The following MRPS6 variants were observed in gnomAD, a reference collection of about 807,000 sequenced individuals.
The protein encoded by MRPS6 is small ribosomal subunit protein bS6m.
Under a neutral mutation model 13.1 loss-of-function variants are expected in MRPS6, and 6 were observed. The ratio of observed to expected loss-of-function variants is 0.46; its 90% CI spans 0.25 to 0.91. MRPS6 has a LOEUF of 0.91. MRPS6 is among the 40% of genes least tolerant of loss of function. MRPS6 has a pLI of 0.18. For synonymous variants in MRPS6, 61 were observed against 56.5 expected, an observed-to-expected ratio of 1.08 and a Z score of -0.36; for missense variants, 164 against 155.6, an observed-to-expected ratio of 1.05 and a Z score of -0.29.
intron 1 of MRPS6, among the ~76,000 whole-genome samples, chr21:34,106,566 CT>C (rs1979485309): frequency 6.6e-6 from 1 of 152,230 alleles, no homozygotes; most frequent in Non-Finnish European, 1.5e-5. Flanking sequence ...GAATTTAGGA[CT>C]TGACTTCATC....
intron 1 of MRPS6, 113 bp from the exon 2 acceptor site, chr21:34,125,228 G>A (rs1201689721): frequency 2.0e-5 from 29 of 1,443,052 alleles, no homozygotes; most frequent in African/African-American, 5.7e-5. Flanking sequence ...TTTACCCAGC[G>A]ATTCCTACCA....
chr21:34,098,004 C>A, intron 1 of MRPS6: 10 of 981,238 alleles, frequency 1.0e-5, no homozygotes, highest in Non-Finnish European at 1.2e-5. Flanking sequence ...TTTTTTTTTT[C>A]TTTCTACTTT....
chr21:34,076,787 A>G (rs1208136367), intron 1 of MRPS6, among the ~76,000 whole-genome samples: 1 of 152,206 alleles, frequency 6.6e-6, no homozygotes, highest in African/African-American at 2.4e-5. Context: ...AGTTGTTTAG[A>G]CCAGTCTTAG....
At chr21:34,077,392 G>A (rs760608701) in intron 1 of MRPS6, among the ~76,000 whole-genome samples, 13 of 152,140 alleles carry the variant, frequency 8.5e-5, no homozygotes, top group Non-Finnish European at 1.6e-4. Context: ...ATTACGTCTC[G>A]TGCCCTTTTC....
chr21:34,134,853 T>C (rs1243227491), intron 2 of MRPS6, among the ~76,000 whole-genome samples: 1 of 152,210 alleles, frequency 6.6e-6, no homozygotes, highest in African/African-American at 2.4e-5. Context: ...TAAAATAGGG[T>C]TTGTGTTAGA....
chr21:34,100,201 C>T, intron 1 of MRPS6: 2 of 1,000,098 alleles, frequency 2.0e-6, no homozygotes, highest in Non-Finnish European at 2.4e-6. Flanking sequence ...AATGTCTTAC[C>T]AGGTGTTAAT....
At chr21:34,115,925 T>C (rs1979881648) in intron 1 of MRPS6, among the ~76,000 whole-genome samples, 1 of 152,098 alleles carries the variant, frequency 6.6e-6, no homozygotes, top group Admixed American at 6.5e-5. Flanking sequence ...TAGTCCTTTT[T>C]TTTTTTTTGG....
intron 1 of MRPS6, chr21:34,095,850 A>G (rs766210897): frequency 1.2e-6 from 2 of 1,614,088 alleles, no homozygotes; most frequent in South Asian, 1.1e-5. Flanking sequence ...GAGAAGGTAC[A>G]TGTTGGCCTC....
At chr21:34,092,317 T>G (rs143014532) in intron 1 of MRPS6, among the ~76,000 whole-genome samples, 1 of 152,176 alleles carries the variant, frequency 6.6e-6, no homozygotes, top group African/African-American at 2.4e-5. Context: ...TTTTCCAGTC[T>G]TTACCAGGTG....
At chr21:34,102,422 T>C (rs1268585740) in intron 1 of MRPS6, 4 of 999,954 alleles carry the variant, frequency 4.0e-6, no homozygotes, top group Admixed American at 6.2e-5. Context: ...AGGGATTAGT[T>C]TTTTTGTTTT....
intron 1 of MRPS6, among the ~76,000 whole-genome samples, chr21:34,088,599 TC>T (rs1424027825): frequency 6.6e-6 from 1 of 152,248 alleles, no homozygotes. Flanking sequence ...TAATGTTTCT[TC>T]CTGTCAGTAA....
intron 1 of MRPS6, among the ~76,000 whole-genome samples, chr21:34,075,603 A>G (rs1237683478): frequency 6.6e-6 from 1 of 152,240 alleles, no homozygotes; most frequent in African/African-American, 2.4e-5. Context: ...CTCTTGGAGA[A>G]AGAGGCCCCA....
intron 1 of MRPS6, chr21:34,103,555 C>G: frequency 5.0e-6 from 5 of 1,000,042 alleles, no homozygotes; most frequent in Non-Finnish European, 6.0e-6. Flanking sequence ...TGATAGAAAG[C>G]TAAAGTCCAT....
intron 2 of MRPS6, among the ~76,000 whole-genome samples, chr21:34,127,517 A>G (rs1980350269): frequency 6.6e-6 from 1 of 152,194 alleles, no homozygotes; most frequent in Non-Finnish European, 1.5e-5. Flanking sequence ...ACTGTATTTG[A>G]TTATGCTACA....
At chr21:34,098,426 C>T (rs576403319) in intron 1 of MRPS6, 1 of 999,988 alleles carries the variant, frequency 1.0e-6, no homozygotes. Context: ...AAATTTAATT[C>T]TGATATCTTA....
chr21:34,122,577 G>A (rs1397652213), intron 1 of MRPS6: 2 of 152,130 alleles, frequency 1.3e-5, no homozygotes, highest in East Asian at 3.8e-4. Context: ...CTTCAGAAGA[G>A]GGTAATGAGT....
At chr21:34,111,159 A>G (rs1032114373) in intron 1 of MRPS6, among the ~76,000 whole-genome samples, 3 of 152,226 alleles carry the variant, frequency 2.0e-5, no homozygotes, top group Admixed American at 1.3e-4. Context: ...GCATATCTAC[A>G]GATGACTGCA....
At chr21:34,097,145 T>A (rs1320102524) in intron 1 of MRPS6, 1 of 1,613,860 alleles carries the variant, frequency 6.2e-7, no homozygotes, top group African/African-American at 1.3e-5. Flanking sequence ...AAGAAACGGA[T>A]GATGGAGGTC....
At chr21:34,076,874 G>T (rs1989344603) in intron 1 of MRPS6, among the ~76,000 whole-genome samples, 1 of 152,178 alleles carries the variant, frequency 6.6e-6, no homozygotes, top group African/African-American at 2.4e-5. Context: ...AGCATCAAGA[G>T]AGTTTTATTC....
Sources: allele counts gnomAD v4.1 joint callset (sites outside exome capture counted in the v4.1 genomes callset), GRCh38; gene constraint gnomAD v4.1.1; transcripts MANE v1.5; gene names NCBI Gene and HGNC (gene_info 2026-07-23, HGNC 2026-07-21).